AGR3: variants seen among roughly 807,000 people sequenced by gnomAD.
AGR3 encodes the protein anterior gradient protein 3.
In AGR3, 37 loss-of-function variants were observed where a neutral mutation model predicts 24.5. That is an observed-to-expected ratio of 1.51 (90% CI 1.16 to 1.99). AGR3 has a LOEUF of 1.99. Ranked by LOEUF, AGR3 falls within the 30% of genes most tolerant of loss-of-function variation. AGR3 has a pLI of 0.00. For missense variants in AGR3, 228 were observed against 191.1 expected, an observed-to-expected ratio of 1.19 and a Z score of -1.14; for synonymous variants, 75 against 61.6, an observed-to-expected ratio of 1.22 and a Z score of -1.02.
chr7:16,875,280 C>A (rs1322951702), intron 2 of AGR3, among the ~76,000 whole-genome samples: 2 of 152,102 alleles, frequency 1.3e-5, no homozygotes, highest in East Asian at 1.9e-4. Flanking sequence ...AATGCCACAG[C>A]CCTAAGAAAC....
At chr7:16,856,760 AG>A (rs1781559532), downstream of AGR3, among the ~76,000 whole-genome samples, 2 of 151,984 alleles carry the variant, frequency 1.3e-5, no homozygotes, top group South Asian at 2.1e-4. Flanking sequence ...AATTTCTTAG[AG>A]GTTATAAGGG....
At chr7:16,857,860 T>A (rs1781575099), downstream of AGR3, among the ~76,000 whole-genome samples, 1 of 152,160 alleles carries the variant, frequency 6.6e-6, no homozygotes, top group Non-Finnish European at 1.5e-5. Flanking sequence ...AAATTACAGG[T>A]GTCTATATCA....
intron 2 of AGR3, among the ~76,000 whole-genome samples, chr7:16,877,778 G>C (rs569361235): frequency 6.6e-5 from 10 of 151,536 alleles, no homozygotes; most frequent in Middle Eastern, 3.4e-3. Flanking sequence ...CAGGAGAATG[G>C]CGTGAACCCG....
At chr7:16,865,584 A>C (rs1376356344) in intron 3 of AGR3, 1 of 720,116 alleles carries the variant, frequency 1.4e-6, no homozygotes, top group African/African-American at 1.8e-5. Context: ...CTTCCTTAGA[A>C]CTTCATGTAA....
At chr7:16,864,023 T>G (rs1349392098) in intron 3 of AGR3, among the ~76,000 whole-genome samples, 3 of 152,204 alleles carry the variant, frequency 2.0e-5, no homozygotes, top group Non-Finnish European at 2.9e-5. Context: ...GACCTCTCCT[T>G]AAACCACTCA....
At chr7:16,865,220 A>G in intron 3 of AGR3, 4 of 780,782 alleles carry the variant, frequency 5.1e-6, no homozygotes, top group Middle Eastern at 2.9e-4. Context: ...ACAGCGTAGC[A>G]TTTGATTTTA....
intron 5 of AGR3, 125 bp from the exon 6 acceptor site, chr7:16,861,572 A>G: frequency 2.7e-6 from 2 of 740,512 alleles, no homozygotes; most frequent in Non-Finnish European, 2.2e-6. Flanking sequence ...AACTTTCTGT[A>G]TTAACCAATA....
rs192528512 is a variant in AGR3, at chr7:16,865,936, C to G, written c.174-3274G>C. 1.3e-5 allele frequency: 9 copies of G among 700,106 alleles called. No homozygotes were observed. The African/African-American group carries it at 1.6e-4, about 12-fold the overall frequency. 43.4% of individuals were successfully genotyped at this position (700,106 alleles called of 1,614,324 possible). ...AAATAGATCCATCCTGTTTTGGTTGCCTTTCTAAGACTTGAGCTTTTTACC... is the reference window on the plus strand; with the variant it reads ...AAATAGATCCATCCTGTTTTGGTTGGCTTTCTAAGACTTGAGCTTTTTACC... On this transcript the variant is annotated intron_variant, in intron 3 of 7. Transcript: ENST00000310398.
At chr7:16,864,487 A>G in intron 3 of AGR3, 7 of 1,259,586 alleles carry the variant, frequency 5.6e-6, no homozygotes, top group Non-Finnish European at 8.2e-6. Context: ...AGGGTCGATC[A>G]TTCCATGTTC....
chr7:16,878,311 TG>T (rs1782030332), intron 2 of AGR3, among the ~76,000 whole-genome samples, 198 bp downstream of exon 2: 1 of 152,248 alleles, frequency 6.6e-6, no homozygotes, highest in African/African-American at 2.4e-5. Context: ...TTTATGTTAT[TG>T]TTTGCTAGTT....
In AGR3 at chr7:16,862,024, T is replaced by G. The variant is rs752745210; in HGVS notation, c.263A>C (p.Gln88Pro). Residue 88 changes from glutamine (Q) to proline (P), a missense_variant, in exon 5 of 8, where the codon CAA becomes CCA. Gln to Pro is a moderately conservative substitution (Grantham distance 76). Transcript: ENST00000310398. ...GATGAACTTATTCTGAGCCATTTCTTGTATTTCTTCATTTTGGGCAAATAC... is the reference window on the plus strand; with the variant it reads ...GATGAACTTATTCTGAGCCATTTCTGGTATTTCTTCATTTTGGGCAAATAC... ...KKVFAQNEEIQEMAQNKFIML... is the reference protein window; with the variant it reads ...KKVFAQNEEIPEMAQNKFIML... 2 of 1,613,778 alleles carry G rather than the reference T, an allele frequency of 1.2e-6. No homozygotes were observed. The highest frequency in any genetic ancestry group is 1.7e-6 in the Non-Finnish European group (2 of 1,179,790).
chr7:16,859,367 T>C (rs1781597021), downstream of AGR3: 1 of 460,906 alleles, frequency 2.2e-6, no homozygotes, highest in Non-Finnish European at 3.8e-6. Flanking sequence ...CTTGGCAGGC[T>C]TTCTTTGCTA....
In AGR3 at chr7:16,859,564, G is replaced by A. The variant is rs746200628; in HGVS notation, c.*18C>T. ...GAAATTTGACTTCTTTGAAGTGAAGGCTTTTTTCCATCATCTCTTATAGCT... is the reference window on the plus strand; with the variant it reads ...GAAATTTGACTTCTTTGAAGTGAAGACTTTTTTCCATCATCTCTTATAGCT... On this transcript the variant is annotated 3_prime_UTR_variant, in exon 8 of 8. Coordinates refer to ENST00000310398, the MANE Select transcript of AGR3 (RefSeq NM_176813.5). 2 of 1,531,946 alleles carry A rather than the reference G, an allele frequency of 1.3e-6. No individual in the cohort carries two copies. Among genetic ancestry groups the A allele is most frequent in the South Asian group, 1.2e-5 (1 of 84,758 alleles). 94.9% of individuals were successfully genotyped at this position (1,531,946 alleles called of 1,614,324 possible).
At chr7:16,856,838 TACAC>T (rs111311358), downstream of AGR3, among the ~76,000 whole-genome samples, 21 of 149,832 alleles carry the variant, frequency 1.4e-4, no homozygotes, top group Non-Finnish European at 2.2e-4. Context: ...CCTATATGTA[TACAC>T]ACACACACAC....
chr7:16,868,254 C>G (rs955968229), intron 3 of AGR3, among the ~76,000 whole-genome samples: 11 of 151,966 alleles, frequency 7.2e-5, no homozygotes, highest in African/African-American at 2.7e-4. Context: ...CTCCCAGGTT[C>G]AAGTGATTGT....
chr7:16,857,533 C>G (rs1214854523), downstream of AGR3, among the ~76,000 whole-genome samples: 1 of 152,088 alleles, frequency 6.6e-6, no homozygotes, highest in Non-Finnish European at 1.5e-5. Flanking sequence ...ATGGAATCAG[C>G]TATATTTCTT....
chr7:16,868,334 T>C (rs1201402090), intron 3 of AGR3, among the ~76,000 whole-genome samples: 1 of 152,120 alleles, frequency 6.6e-6, no homozygotes, highest in African/African-American at 2.4e-5. Context: ...TTTGTATTTT[T>C]AGTAGAGATG....
In AGR3 at chr7:16,865,435, G is replaced by A. The variant is rs768349672; in HGVS notation, c.174-2773C>T. 3.5e-6 allele frequency: 3 copies of A among 852,328 alleles called. No homozygotes were observed. The East Asian group carries it at 7.3e-5, about 21-fold the overall frequency. The allele number at this position is 852,328 out of a possible 1,614,324, so 52.8% of individuals were successfully genotyped here. A position where few individuals can be genotyped will look rare whatever the true frequency, so the allele number is the denominator to read the frequency against. On this transcript the variant is annotated intron_variant, in intron 3 of 7. Transcript: ENST00000310398. ...TTAAGAAATTTCATCGTAATTGTTG[G>A]TGCCACAGGGTTGAAACTAATATTT... is the stretch of plus-strand genomic sequence containing the variant.
chr7:16,859,393 T>C, downstream of AGR3: 1 of 511,222 alleles, frequency 2.0e-6, no homozygotes, highest in Admixed American at 3.5e-5. Context: ...GAGGCAGAAA[T>C]AAAACTATAT....
Sources: gnomAD v4.1 joint callset for allele counts (sites outside exome capture counted in the v4.1 genomes callset) on GRCh38, gnomAD v4.1.1 for gene constraint, MANE v1.5 for transcripts, NCBI Gene and HGNC (gene_info 2026-07-23, HGNC 2026-07-21) for gene names.